SCNN1B: variants seen among roughly 807,000 people sequenced by gnomAD.
SCNN1B encodes epithelial sodium channel subunit beta.
In SCNN1B, 46 loss-of-function variants were observed where a neutral mutation model predicts 65.3. That is an observed-to-expected ratio of 0.70 (90% CI 0.56 to 0.90). The LOEUF (loss-of-function observed/expected upper bound fraction) is 0.90. SCNN1B is among the 40% of genes least tolerant of loss of function. The probability of loss-of-function intolerance (pLI) is 0.00; values close to 1 mark genes in which losing one functional copy is unlikely to be tolerated. For missense variants in SCNN1B, 751 were observed against 830.5 expected (o/e 0.90, Z 1.18); for synonymous variants, 349 against 330.6 (o/e 1.06, Z -0.60).
rs1487144115 is a variant in SCNN1B at position 23,292,615 on chromosome 16, T to C, written n.178+8811T>C. On this transcript the variant is annotated intron_variant and non_coding_transcript_variant, in intron 2 of 3. Coordinates refer to the SCNN1B transcript ENST00000569789. ...CTCCCCGGCTCAAGCAATCCTTCCA[T>C]CTCTCAGCCTCCTGAGTAGCTGGGA... 2.7e-5 allele frequency among the ~76,000 whole-genome samples: 4 copies of C among 149,142 alleles called. No individual in the cohort carries two copies. The East Asian group carries it at 8.1e-4, about 30-fold the overall frequency.
chr16:23,312,829 T>G (rs982128779), intron 1 of SCNN1B, among the ~76,000 whole-genome samples: 22 of 152,066 alleles, frequency 1.4e-4, no homozygotes, highest in Non-Finnish European at 2.6e-4. Context: ...GGCCACAGGA[T>G]GGTGAGCCCA....
upstream of SCNN1B, among the ~76,000 whole-genome samples, chr16:23,298,381 G>A (rs1961026814): frequency 6.6e-6 from 1 of 152,228 alleles, no homozygotes; most frequent in South Asian, 2.1e-4. Context: ...TGCAGAGCAA[G>A]GCTACCCCAT....
At chr16:23,308,073 G>T (rs951041765) in intron 1 of SCNN1B, among the ~76,000 whole-genome samples, 4 of 151,402 alleles carry the variant, frequency 2.6e-5, no homozygotes, top group Admixed American at 1.3e-4. Flanking sequence ...GTGTGGTGGC[G>T]CATGCCTGTA....
intron 5 of SCNN1B, among the ~76,000 whole-genome samples, chr16:23,370,323 C>A (rs1339503910): frequency 6.6e-6 from 1 of 152,126 alleles, no homozygotes; most frequent in Non-Finnish European, 1.5e-5. Context: ...CCAGGTTGGT[C>A]TTGAACTCCT....
At chr16:23,285,232 A>G (rs11862126) in intron 2 of SCNN1B, among the ~76,000 whole-genome samples, 31,646 of 152,092 alleles carry the variant, frequency 0.21, 4,552 homozygotes, top group African/African-American at 0.4. Flanking sequence ...GAATGCCATG[A>G]TGTGATCATT....
At chr16:23,367,341 A>C (rs566715812) in intron 4 of SCNN1B, among the ~76,000 whole-genome samples, 2 of 152,284 alleles carry the variant, frequency 1.3e-5, no homozygotes, top group African/African-American at 4.8e-5. Flanking sequence ...TCTGTCACCC[A>C]GGCTGGAGTG....
intron 1 of SCNN1B, among the ~76,000 whole-genome samples, chr16:23,334,386 T>C (rs1339265387): frequency 6.6e-6 from 1 of 152,202 alleles, no homozygotes; most frequent in Non-Finnish European, 1.5e-5. Flanking sequence ...TTTCGAGTCA[T>C]GGACTATATA....
At chr16:23,343,648 A>AAAGAAAGAAAG (rs1567304512) in intron 1 of SCNN1B, among the ~76,000 whole-genome samples, 3 of 116,024 alleles carry the variant, frequency 2.6e-5, no homozygotes, top group Non-Finnish European at 5.5e-5. Flanking sequence ...AGAAAGAAAG[A>AAAGAAAGAAAG]AAAAAAGAAA....
chr16:23,379,482 T>TA (rs766236443), intron 11 of SCNN1B, among the ~76,000 whole-genome samples: 1 of 151,004 alleles, frequency 6.6e-6, no homozygotes, highest in Non-Finnish European at 1.5e-5. Context: ...CAAGGAGGAG[T>TA]AAGTGCTGTT....
At chr16:23,377,274 G>C (rs1397075400) in intron 9 of SCNN1B, 34 bp downstream of exon 9, 1 of 1,614,114 alleles carries the variant, frequency 6.2e-7, no homozygotes, top group Non-Finnish European at 8.5e-7. Flanking sequence ...GCAGCGGGCA[G>C]GCATGGAGGG....
chr16:23,323,573 G>A, intron 1 of SCNN1B: 1 of 703,050 alleles, frequency 1.4e-6, no homozygotes, highest in Non-Finnish European at 2.6e-6. Flanking sequence ...CCAGGGCACA[G>A]AGAGGGTGAG....
At chr16:23,344,902 G>A (rs1962153115) in intron 1 of SCNN1B, among the ~76,000 whole-genome samples, 1 of 152,194 alleles carries the variant, frequency 6.6e-6, no homozygotes, top group Admixed American at 6.5e-5. Flanking sequence ...GCTAAGGTGG[G>A]AGGATCACCT....
chr16:23,305,524 AATATATATATT>A (rs1420715868), intron 1 of SCNN1B, among the ~76,000 whole-genome samples: 398 of 4,816 alleles, frequency 0.083, 35 homozygotes, highest in Admixed American at 0.11. Flanking sequence ...ATCTCTACCA[AATATATATATT>A]ATATATATAT....
intron 1 of SCNN1B, among the ~76,000 whole-genome samples, chr16:23,347,606 A>C (rs1962216465): frequency 6.6e-6 from 1 of 152,188 alleles, no homozygotes; most frequent in Admixed American, 6.5e-5. Flanking sequence ...TGAGCTATAC[A>C]TACATTTAAG....
At chr16:23,305,533 ATT>A (rs1961179515) in intron 1 of SCNN1B, among the ~76,000 whole-genome samples, 2 of 60,154 alleles carry the variant, frequency 3.3e-5, no homozygotes, top group Admixed American at 5.7e-4. Flanking sequence ...AAATATATAT[ATT>A]ATATATATAT....
At chr16:23,299,059 CTT>C (rs552336545), upstream of SCNN1B, among the ~76,000 whole-genome samples, 4 of 130,542 alleles carry the variant, frequency 3.1e-5, no homozygotes, top group Non-Finnish European at 3.3e-5. Flanking sequence ...TTTTCTTTTT[CTT>C]TTTTTTTTTT....
At chr16:23,379,420 G>T (rs1182142713) in intron 11 of SCNN1B, among the ~76,000 whole-genome samples, 2 of 152,150 alleles carry the variant, frequency 1.3e-5, no homozygotes, top group African/African-American at 4.8e-5. Flanking sequence ...GCCTCAGTCT[G>T]CCTGAGAGAT....
intron 1 of SCNN1B, among the ~76,000 whole-genome samples, chr16:23,332,194 CTT>C (rs747733122): frequency 1.4e-5 from 2 of 145,388 alleles, no homozygotes; most frequent in Non-Finnish European, 3.0e-5. Context: ...ATGCCCAGCT[CTT>C]TTTTTTTTTT....
Position 23,367,970 on chromosome 16 carries a change from G to A in SCNN1B, c.880+11G>A. 1 of 1,596,184 alleles carries A rather than the reference G, an allele frequency of 6.3e-7. No individual in the cohort carries two copies. Among genetic ancestry groups the A allele is most frequent in the Non-Finnish European group, 8.6e-7 (1 of 1,163,694 alleles). On this transcript the variant is annotated intron_variant, in intron 5 of 12. Transcript: ENST00000343070. ...CTGGAACTGAATTCGGTGAGTTTTG[G>A]TTTATCGTGGGGCCAGAGCCATGAG...
Sources: allele counts gnomAD v4.1 joint callset (sites outside exome capture counted in the v4.1 genomes callset), GRCh38; gene constraint gnomAD v4.1.1; transcripts MANE v1.5; gene names NCBI Gene and HGNC (gene_info 2026-07-23, HGNC 2026-07-21).